Variants in NRXN1 observed in about 807,000 individuals in gnomAD.
The protein encoded by NRXN1 is neurexin-1.
Under a neutral mutation model 150.9 loss-of-function variants are expected in NRXN1, and 39 were observed. The observed-to-expected ratio is 0.26, with a 90% CI of 0.20 to 0.34. The LOEUF (loss-of-function observed/expected upper bound fraction) is 0.34, where lower values mean the gene tolerates loss of function less well. Ranked by LOEUF, NRXN1 falls within the 10% of genes least tolerant of loss-of-function variation. The pLI, the probability that NRXN1 is intolerant of heterozygous loss-of-function variation, is 1.00. For synonymous variants in NRXN1, 924 were observed against 757.0 expected, an observed-to-expected ratio of 1.22 and a Z score of -3.62; for missense variants, 1,815 against 1,949.9, an observed-to-expected ratio of 0.93 and a Z score of 1.30.
intron 8 of NRXN1, among the ~76,000 whole-genome samples, chr2:50,598,306 A>G (rs958707950): frequency 2.0e-4 from 30 of 152,088 alleles, no homozygotes; most frequent in African/African-American, 7.2e-4. Flanking sequence ...AGCCCTTAGA[A>G]TCACATTGAT....
rs138717688 is a variant in NRXN1 at position 50,546,950 on chromosome 2, T to C, written c.1759+5637A>G. 7.5e-4 allele frequency among the ~76,000 whole-genome samples: 114 copies of C among 152,300 alleles called. 1 individual carries two copies. The East Asian group carries it at 0.014, about 18-fold the overall frequency. On this transcript the variant is annotated intron_variant, in intron 9 of 22. Coordinates refer to ENST00000401669, the MANE Select transcript of NRXN1 (RefSeq NM_001330078.2). The stretch of plus-strand genomic sequence containing the variant: ...AGACCTAAGCAGAGAAATTGTCTAA[T>C]GGTTGCTCAAGTAGAAATGTTTAAG...
At chr2:50,000,006 T>C (rs151296545) in intron 21 of NRXN1, among the ~76,000 whole-genome samples, 1 of 152,212 alleles carries the variant, frequency 6.6e-6, no homozygotes, top group Non-Finnish European at 1.5e-5. Context: ...GAACCTCTCC[T>C]AATACTCTCA....
At chr2:50,892,875 T>A (rs1681290790) in intron 5 of NRXN1, among the ~76,000 whole-genome samples, 1 of 152,182 alleles carries the variant, frequency 6.6e-6, no homozygotes, top group African/African-American at 2.4e-5. Context: ...GTGCAGTTAA[T>A]TGACAACTCC....
chr2:50,108,799 C>T (rs1202740881), intron 18 of NRXN1, among the ~76,000 whole-genome samples: 1 of 152,016 alleles, frequency 6.6e-6, no homozygotes, highest in Non-Finnish European at 1.5e-5. Context: ...TAGGTCTTAG[C>T]GTTGGTTTAA....
At chr2:50,844,544 T>C (rs1673355549) in intron 5 of NRXN1, among the ~76,000 whole-genome samples, 1 of 152,196 alleles carries the variant, frequency 6.6e-6, no homozygotes, top group Non-Finnish European at 1.5e-5. Flanking sequence ...TAGGTGGTAT[T>C]TGGGGAGCAG....
At chr2:50,015,485 T>C (rs556218149) in intron 21 of NRXN1, among the ~76,000 whole-genome samples, 36 of 142,752 alleles carry the variant, frequency 2.5e-4, no homozygotes, top group African/African-American at 9.0e-4. Flanking sequence ...ACAGCCTGTC[T>C]TTGGCTAGAA....
chr2:50,821,693 G>C (rs906186087), intron 5 of NRXN1, among the ~76,000 whole-genome samples: 1 of 152,088 alleles, frequency 6.6e-6, no homozygotes, highest in African/African-American at 2.4e-5. Context: ...CAAAGCATTA[G>C]AGGAAAATAA....
At chr2:50,527,080 G>C (rs1278445487) in intron 12 of NRXN1, among the ~76,000 whole-genome samples, 3 of 152,084 alleles carry the variant, frequency 2.0e-5, no homozygotes, top group African/African-American at 7.2e-5. Context: ...GTTATATTTT[G>C]TAAATTCAAA....
chr2:50,446,602 C>G (rs1342527388), intron 17 of NRXN1, among the ~76,000 whole-genome samples: 1 of 149,536 alleles, frequency 6.7e-6, no homozygotes, highest in African/African-American at 2.5e-5. Flanking sequence ...TCCTCCCTCC[C>G]TCCCTCTTTT....
chr2:50,521,317 C>T, intron 12 of NRXN1, among the ~76,000 whole-genome samples: 1 of 152,202 alleles, frequency 6.6e-6, no homozygotes, highest in East Asian at 1.9e-4. Flanking sequence ...TATTTCGAGT[C>T]TGTATTTAGA....
chr2:50,551,109 G>A (rs12713106), intron 9 of NRXN1, among the ~76,000 whole-genome samples: 34,131 of 115,520 alleles, frequency 0.3, 5,405 homozygotes, highest in East Asian at 0.54. Context: ...GAGGAGGGAG[G>A]GGGAGGGGGA....
At chr2:50,031,509 T>C (rs981290487) in intron 21 of NRXN1, among the ~76,000 whole-genome samples, 1 of 142,892 alleles carries the variant, frequency 7.0e-6, no homozygotes, top group African/African-American at 3.1e-5. Flanking sequence ...TTTTCCAGTG[T>C]AAAGTACAGT....
At chr2:50,875,067 G>A (rs1678372007) in intron 5 of NRXN1, among the ~76,000 whole-genome samples, 1 of 151,580 alleles carries the variant, frequency 6.6e-6, no homozygotes, top group South Asian at 2.1e-4. Flanking sequence ...AGTTGTTTTT[G>A]TTGTGTTCTA....
At chr2:50,415,448 A>G (rs1159672648) in intron 17 of NRXN1, among the ~76,000 whole-genome samples, 2 of 152,156 alleles carry the variant, frequency 1.3e-5, no homozygotes, top group African/African-American at 4.8e-5. Context: ...CTGTCTCATC[A>G]TGTGATGATC....
In NRXN1 at chr2:50,697,002, C is replaced by G. The variant is rs1692995321; in HGVS notation, c.833-73387G>C. Among the ~76,000 whole-genome samples the G allele has an allele frequency of 2.0e-5, 3 of 152,224 alleles. No homozygotes were observed. The South Asian group carries it at 6.2e-4, about 32-fold the overall frequency. The stretch of plus-strand genomic sequence containing the variant: ...CTTTTGTCTCATTGAGAGCATATTA[C>G]TTACTTCAAGCACCTTAACAAACAA... On this transcript the variant is annotated intron_variant, in intron 5 of 22. Coordinates refer to ENST00000401669, the MANE Select transcript of NRXN1 (RefSeq NM_001330078.2).
At chr2:50,344,388 A>G (rs75637994) in intron 17 of NRXN1, among the ~76,000 whole-genome samples, 1 of 152,150 alleles carries the variant, frequency 6.6e-6, no homozygotes, top group Non-Finnish European at 1.5e-5. Flanking sequence ...CCTCTGATTG[A>G]AAAAAACAAA....
intron 5 of NRXN1, among the ~76,000 whole-genome samples, chr2:50,683,646 A>AAAAAAAAAAAAAAAAAAATATAT: frequency 4.7e-4 from 7 of 14,904 alleles, no homozygotes; most frequent in African/African-American, 1.8e-3. Context: ...AAAAAAAAAA[A>AAAAAAAAAAAAAAAAAAATATAT]ATATATATAT....
chr2:50,386,100 TG>T (rs2081309310), intron 17 of NRXN1, among the ~76,000 whole-genome samples: 2 of 152,066 alleles, frequency 1.3e-5, no homozygotes, highest in African/African-American at 4.8e-5. Context: ...TTCCAATTTC[TG>T]TTTAATCATG....
chr2:50,276,424 A>C (rs1397299506), intron 17 of NRXN1, among the ~76,000 whole-genome samples: 1 of 152,180 alleles, frequency 6.6e-6, no homozygotes, highest in East Asian at 1.9e-4. Context: ...CAAACAATTA[A>C]GTTTGTTGCT....
Sources: gnomAD v4.1 joint callset for allele counts (sites outside exome capture counted in the v4.1 genomes callset) on GRCh38, gnomAD v4.1.1 for gene constraint, MANE v1.5 for transcripts, NCBI Gene and HGNC (gene_info 2026-07-23, HGNC 2026-07-21) for gene names.